The following AK2 variants were observed in gnomAD, a reference collection of about 807,000 sequenced individuals.
AK2 encodes adenylate kinase 2, also known as adenylate kinase 2, mitochondrial.
AK2 carries 15 observed loss-of-function variants against 24.6 expected under a neutral mutation model. The observed-to-expected ratio is 0.61, with a 90% CI of 0.41 to 0.94. The LOEUF is 0.94. Ranked by LOEUF, AK2 falls within the 40% of genes least tolerant of loss-of-function variation. AK2 has a pLI of 0.00. For synonymous variants in AK2, 102 were observed against 114.0 expected (o/e 0.90, Z 0.67); for missense variants, 257 against 304.1 (o/e 0.85, Z 1.15).
chr1:33,016,452 C>A (rs367742570), intron 4 of AK2, among the ~76,000 whole-genome samples: 1 of 151,968 alleles, frequency 6.6e-6, no homozygotes, highest in African/African-American at 2.4e-5. Flanking sequence ...ACCTCGTGAT[C>A]CACCTGCCTC....
intron 1 of AK2, among the ~76,000 whole-genome samples, chr1:33,027,710 G>C (rs1360076948): frequency 1.4e-5 from 2 of 147,720 alleles, no homozygotes; most frequent in Admixed American, 6.9e-5. Context: ...TCGCGCCACT[G>C]TACTCCAGCC....
rs760832831 is a variant in AK2, at chr1:33,013,380, C to T, written c.521G>A (p.Arg174His). ...KDDITGEPLI[R>H]RSDDNEKALK... ...GGCCTTTTCATTATCATCTGATCGA[C>T]GGATCAAGGGTTCCCCGGTGATCTG... Residue 174 changes from arginine (R) to histidine (H), a missense_variant, in exon 6 of 6, where the codon CGT (arginine) becomes CAT (histidine). Physicochemically the swap from Arg to His is conservative, Grantham distance 29. Coordinates refer to ENST00000672715, the MANE Select transcript of AK2 (RefSeq NM_001625.4). 21 of 1,613,992 alleles carry T rather than the reference C, an allele frequency of 1.3e-5. No homozygotes were observed. The highest frequency in any genetic ancestry group is 1.7e-5 in the Non-Finnish European group (20 of 1,180,010).
Position 33,011,470 on chromosome 1 carries a change from C to T in AK2, c.*1711G>A, listed in dbSNP as rs1557607769. On this transcript the variant is annotated 3_prime_UTR_variant, in exon 6 of 6. Coordinates refer to ENST00000672715, the MANE Select transcript of AK2 (RefSeq NM_001625.4). Reference sequence around the variant, plus strand: ...CACTTGGACCAGGCAAAGAGGGAAGCAAGGTGGCCAGGTACTCATGCCCAG... The same window carrying T: ...CACTTGGACCAGGCAAAGAGGGAAGTAAGGTGGCCAGGTACTCATGCCCAG... 1 of 1,287,370 alleles carries T rather than the reference C, an allele frequency of 7.8e-7. No individual in the cohort carries two copies. The highest frequency in any genetic ancestry group is 1.0e-6 in the Non-Finnish European group (1 of 988,784). 79.7% of individuals were successfully genotyped at this position (1,287,370 alleles called of 1,614,324 possible).
chr1:33,016,605 G>A (rs187129239), intron 4 of AK2, among the ~76,000 whole-genome samples: 41 of 151,868 alleles, frequency 2.7e-4, no homozygotes, highest in African/African-American at 9.2e-4. Context: ...CAAACTACTG[G>A]GCTCAAGTGA....
chr1:33,025,560 G>A (rs1464099273), intron 1 of AK2, among the ~76,000 whole-genome samples: 1 of 152,196 alleles, frequency 6.6e-6, no homozygotes, highest in Non-Finnish European at 1.5e-5. Flanking sequence ...AAGAGCACTT[G>A]GCAAATAATA....
intron 4 of AK2, among the ~76,000 whole-genome samples, chr1:33,018,900 T>G (rs181092560): frequency 1.3e-5 from 2 of 152,330 alleles, no homozygotes; most frequent in East Asian, 3.9e-4. Context: ...CAATACCCAG[T>G]GGCTCAAGAC....
chr1:33,020,378 A>G (rs142625638), intron 4 of AK2, among the ~76,000 whole-genome samples: 2 of 152,358 alleles, frequency 1.3e-5, no homozygotes, highest in East Asian at 3.9e-4. Flanking sequence ...GGAGATACAC[A>G]TGTAAAGACA....
At chr1:33,018,876 T>C (rs1639355772) in intron 4 of AK2, among the ~76,000 whole-genome samples, 1 of 152,196 alleles carries the variant, frequency 6.6e-6, no homozygotes, top group Non-Finnish European at 1.5e-5. Flanking sequence ...GTTCTTAGAA[T>C]ACTGTTTTTG....
At chr1:33,020,143 G>A (rs1639438933) in intron 4 of AK2, 1 of 1,533,980 alleles carries the variant, frequency 6.5e-7, no homozygotes, top group Admixed American at 2.0e-5. Context: ...CAGAAGCAGA[G>A]GCATTTCTGT....
chr1:33,026,883 T>C (rs1306820576), intron 1 of AK2, among the ~76,000 whole-genome samples: 2 of 151,984 alleles, frequency 1.3e-5, no homozygotes, highest in Non-Finnish European at 2.9e-5. Context: ...CCCAGCACTT[T>C]GGGAGGCCGA....
chr1:33,025,198 A>G (rs1639804107), intron 1 of AK2, among the ~76,000 whole-genome samples: 1 of 151,884 alleles, frequency 6.6e-6, no homozygotes, highest in Non-Finnish European at 1.5e-5. Flanking sequence ...CAAAAAAAAA[A>G]AAAAAAAAAA....
In AK2 at chr1:33,009,478, A is replaced by G. The variant is rs930576225; in HGVS notation, c.*3703T>C. 6 of 454,036 alleles carry G rather than the reference A, an allele frequency of 1.3e-5. No individual in the cohort carries two copies. Among genetic ancestry groups the G allele is most frequent in the East Asian group, 6.9e-5 (1 of 14,414 alleles). 28.1% of individuals were successfully genotyped at this position (454,036 alleles called of 1,614,324 possible). A position where few individuals can be genotyped will look rare whatever the true frequency, so the allele number is the denominator to read the frequency against. On this transcript the variant is annotated 3_prime_UTR_variant, in exon 6 of 6. Transcript: ENST00000672715. ...AGTTATCCAGCCTGGCAGGAAGCAG[A>G]TATCTTTCTGTGTATATCTGGATCC...
intron 2 of AK2, among the ~76,000 whole-genome samples, chr1:33,022,068 C>T (rs936122699): frequency 1.3e-5 from 2 of 152,222 alleles, no homozygotes; most frequent in African/African-American, 4.8e-5. Context: ...TGTCAGATAA[C>T]AGCTTATCAG....
rs557514523 is a variant in AK2 at position 33,009,851 on chromosome 1, C to T, written c.*3330G>A. 2.4e-4 allele frequency: 108 copies of T among 454,470 alleles called. No individual in the cohort carries two copies. The highest frequency in any genetic ancestry group is 1.5e-3 in the South Asian group (98 of 64,478). The allele number at this position is 454,470 out of a possible 1,614,324, so 28.2% of individuals were successfully genotyped here. A position where few individuals can be genotyped will look rare whatever the true frequency, so the allele number is the denominator to read the frequency against. ...GACAAGAAAGGGCTTCTTTTCCTTC[C>T]AGCCAGGTCCAGAATTCAATGTCAT... On this transcript the variant is annotated 3_prime_UTR_variant, in exon 6 of 6. Coordinates refer to ENST00000672715, the MANE Select transcript of AK2 (RefSeq NM_001625.4).
In AK2 at chr1:33,034,449, TACACACAC is replaced by T. The variant is rs71833811; in HGVS notation, c.93+2279_93+2286del. Among the ~76,000 whole-genome samples, 122 of 141,980 alleles carry T rather than the reference TACACACAC, an allele frequency of 8.6e-4. 1 individual carries two copies. The highest frequency in any genetic ancestry group is 2.2e-3 in the African/African-American group (86 of 38,284). The allele number at this position is 141,980 out of a possible 152,430, so 93.1% of individuals were successfully genotyped here. On this transcript the variant is annotated intron_variant, in intron 1 of 5. Coordinates refer to ENST00000672715, the MANE Select transcript of AK2 (RefSeq NM_001625.4). ...TGTCATCTAGGTTGTGGGTGCTTGATACACACACACACACACACACACACACACACACA... is the reference window on the plus strand; with the variant it reads ...TGTCATCTAGGTTGTGGGTGCTTGATACACACACACACACACACACACACA...
chr1:33,011,791 T>C lies in AK2; in HGVS notation c.*1390A>G. The C allele has an allele frequency of 1.4e-6, 2 of 1,466,770 alleles. No homozygotes were observed. The highest frequency in any genetic ancestry group is 1.8e-6 in the Non-Finnish European group (2 of 1,104,552). The allele number at this position is 1,466,770 out of a possible 1,614,324, so 90.9% of individuals were successfully genotyped here. On this transcript the variant is annotated 3_prime_UTR_variant, in exon 6 of 6. Transcript: ENST00000672715. ...CTCAATAGTTGGGAAGCTAAGGTTA[T>C]GAATAAAAGCTGGTAACTGTCACAG...
In AK2 at chr1:33,021,347, G is replaced by C. The variant is rs1194597645; in HGVS notation, c.425+20C>G. The C allele has an allele frequency of 6.2e-7, 1 of 1,604,892 alleles. No homozygotes were observed. Among genetic ancestry groups the C allele is most frequent in the African/African-American group, 1.3e-5 (1 of 74,718 alleles). On this transcript the variant is annotated intron_variant, in intron 4 of 5. Coordinates refer to ENST00000672715, the MANE Select transcript of AK2 (RefSeq NM_001625.4). ...GAAAGCTCTGAGAAGCATGAAAAGG[G>C]ACCTTCAAGGGACAAATACCTTCCT...
At chr1:33,015,550 G>T (rs1243456229) in intron 4 of AK2, among the ~76,000 whole-genome samples, 2 of 152,214 alleles carry the variant, frequency 1.3e-5, no homozygotes, top group African/African-American at 2.4e-5. Flanking sequence ...TCTCATGAAG[G>T]TCTATTAGAC....
chr1:33,019,913 G>GTTCAAGATGGTTGGCTGACCAC (rs1639424113), intron 4 of AK2: 1 of 1,401,260 alleles, frequency 7.1e-7, no homozygotes, highest in Non-Finnish European at 9.2e-7. Context: ...TGGATGTCTG[G>GTTCAAGATGGTTGGCTGACCAC]TTCAAGATGG....
Sources: gnomAD v4.1 joint callset for allele counts (sites outside exome capture counted in the v4.1 genomes callset) on GRCh38, gnomAD v4.1.1 for gene constraint, MANE v1.5 for transcripts, NCBI Gene and HGNC (gene_info 2026-07-23, HGNC 2026-07-21) for gene names.